The following RAB33B variants were observed in gnomAD, a reference collection of about 807,000 sequenced individuals.
The protein encoded by RAB33B is RAB33B, member RAS oncogene family, also known as ras-related protein Rab-33B.
RAB33B carries 6 observed loss-of-function variants against 15.0 expected under a neutral mutation model. That is an observed-to-expected ratio of 0.40 (90% CI 0.22 to 0.79). The LOEUF is 0.79. RAB33B is among the 30% of genes least tolerant of loss of function. The probability of loss-of-function intolerance (pLI) is 0.37; values close to 1 mark genes in which losing one functional copy is unlikely to be tolerated. For missense variants in RAB33B, 257 were observed against 296.4 expected (o/e 0.87, Z 0.98); for synonymous variants, 117 against 108.3 (o/e 1.08, Z -0.50).
intron 1 of RAB33B, among the ~76,000 whole-genome samples, chr4:139,455,441 C>G (rs761006340): frequency 3.9e-5 from 6 of 152,138 alleles, no homozygotes; most frequent in Non-Finnish European, 7.3e-5. Context: ...TTAGACGTTC[C>G]TACCCTCGTA....
rs982286825 is a variant in RAB33B at position 139,463,380 on chromosome 4, C to T, written c.249+8936C>T. Among the ~76,000 whole-genome samples, 4 of 152,296 alleles carry T rather than the reference C, an allele frequency of 2.6e-5. No individual in the cohort carries two copies. The South Asian group carries it at 8.3e-4, about 32-fold the overall frequency. On this transcript the variant is annotated intron_variant, in intron 1 of 1. Transcript: ENST00000305626. ...TGAACTCCTGACCTCAAGTGATCCA[C>T]CCACCTCGGCCTCCCAAAGTGCTGT...
At chr4:139,439,574 T>C in the RAB33B span, among the ~76,000 whole-genome samples, 1 of 152,358 alleles carries the variant, frequency 6.6e-6, no homozygotes, top group Admixed American at 6.5e-5. Flanking sequence ...TTTCATCAAA[T>C]ATGGGAAGCT....
chr4:139,441,631 T>C, the RAB33B span, among the ~76,000 whole-genome samples: 20 of 152,232 alleles, frequency 1.3e-4, no homozygotes, highest in African/African-American at 4.8e-4. Flanking sequence ...GCTGAAAATA[T>C]CTTAAGTCAA....
At chr4:139,464,568 G>A (rs1366938730) in intron 1 of RAB33B, among the ~76,000 whole-genome samples, 2 of 152,038 alleles carry the variant, frequency 1.3e-5, no homozygotes, top group Non-Finnish European at 2.9e-5. Context: ...GCCCTGGTGT[G>A]TGATGTTCTC....
chr4:139,471,881 A>C (rs1258662006), intron 1 of RAB33B, among the ~76,000 whole-genome samples: 1 of 152,148 alleles, frequency 6.6e-6, no homozygotes, highest in Non-Finnish European at 1.5e-5. Flanking sequence ...ATTTTGAGTA[A>C]GTTTTTATAT....
At chr4:139,471,131 A>G (rs991798991) in intron 1 of RAB33B, among the ~76,000 whole-genome samples, 3 of 152,120 alleles carry the variant, frequency 2.0e-5, no homozygotes, top group Non-Finnish European at 4.4e-5. Flanking sequence ...CAGAGTTGCA[A>G]TGCTTGTGGC....
chr4:139,469,508 T>G (rs1339764642), intron 1 of RAB33B, among the ~76,000 whole-genome samples: 1 of 152,218 alleles, frequency 6.6e-6, no homozygotes, highest in Non-Finnish European at 1.5e-5. Context: ...TTGCCTTGTT[T>G]AGTTCATTTG....
chr4:139,468,814 A>G (rs1157163989), intron 1 of RAB33B, among the ~76,000 whole-genome samples: 1 of 152,092 alleles, frequency 6.6e-6, no homozygotes, highest in Admixed American at 6.5e-5. Flanking sequence ...TTTGAATGAT[A>G]TTTTTGCCAG....
intron 1 of RAB33B, among the ~76,000 whole-genome samples, chr4:139,467,883 T>C: frequency 6.6e-6 from 1 of 151,528 alleles, no homozygotes; most frequent in African/African-American, 2.4e-5. Context: ...ATTACATTAT[T>C]TATTTAAAAA....
upstream of RAB33B, chr4:139,452,587 C>T (rs1449862861): frequency 6.6e-6 from 1 of 152,150 alleles, no homozygotes; most frequent in African/African-American, 2.4e-5. Flanking sequence ...TGAAAATAAC[C>T]TCACAGATAA....
At chr4:139,470,846 A>G (rs1750374059) in intron 1 of RAB33B, among the ~76,000 whole-genome samples, 1 of 151,830 alleles carries the variant, frequency 6.6e-6, no homozygotes, top group Non-Finnish European at 1.5e-5. Context: ...TAAGGCCTGG[A>G]ATGAGGGCCT....
the RAB33B span, among the ~76,000 whole-genome samples, chr4:139,443,867 A>C: frequency 6.6e-6 from 1 of 152,168 alleles, no homozygotes; most frequent in Admixed American, 6.5e-5. Flanking sequence ...GCCTGAGGCA[A>C]CAGTGATGGC....
chr4:139,439,683 A>G, the RAB33B span, among the ~76,000 whole-genome samples: 1 of 152,132 alleles, frequency 6.6e-6, no homozygotes, highest in Non-Finnish European at 1.5e-5. Flanking sequence ...GAGGTATCGC[A>G]CAGGTTCCTT....
intron 1 of RAB33B, among the ~76,000 whole-genome samples, chr4:139,458,902 A>G (rs1006424156): frequency 6.6e-6 from 1 of 152,208 alleles, no homozygotes; most frequent in African/African-American, 2.4e-5. Context: ...TTTTCTCTGC[A>G]ACTTTGCCAG....
In RAB33B at chr4:139,468,396, TAA is replaced by T. The variant is rs529944005; in HGVS notation, c.250-4289_250-4288del. 2.0e-4 allele frequency among the ~76,000 whole-genome samples: 31 copies of T among 152,312 alleles called. No homozygotes were observed. In the East Asian group the frequency reaches 6.0e-3, roughly 29 times the overall value. Reference sequence around the variant, plus strand: ...CAAACCATATCACCTGATAACAAGTTAACACTCTTTTTACATAAACAAACAAA... The same window carrying T: ...CAAACCATATCACCTGATAACAAGTTCACTCTTTTTACATAAACAAACAAA... On this transcript the variant is annotated intron_variant, in intron 1 of 1. Transcript: ENST00000305626.
chr4:139,465,355 T>C (rs1305004314), intron 1 of RAB33B, among the ~76,000 whole-genome samples: 2 of 152,240 alleles, frequency 1.3e-5, no homozygotes, highest in Non-Finnish European at 2.9e-5. Flanking sequence ...TTCACTCTGA[T>C]GGTAGTTTGT....
intron 1 of RAB33B, among the ~76,000 whole-genome samples, chr4:139,459,442 A>G (rs185171979): frequency 6.6e-6 from 1 of 152,164 alleles, no homozygotes; most frequent in Admixed American, 6.5e-5. Context: ...TCTCTTAAAA[A>G]CAAAAAAAGA....
the RAB33B span, among the ~76,000 whole-genome samples, chr4:139,443,329 C>T: frequency 1.2e-4 from 19 of 152,232 alleles, no homozygotes; most frequent in Admixed American, 7.9e-4. Context: ...AAAATAAATG[C>T]GTTTGACACT....
chr4:139,447,656 T>A, the RAB33B span, among the ~76,000 whole-genome samples: 3 of 139,406 alleles, frequency 2.2e-5, no homozygotes, highest in Non-Finnish European at 4.7e-5. Context: ...ATCAGTCTAC[T>A]ACTTTTTTTT....
Sources: gnomAD v4.1 joint callset for allele counts (sites outside exome capture counted in the v4.1 genomes callset) on GRCh38, gnomAD v4.1.1 for gene constraint, MANE v1.5 for transcripts, NCBI Gene and HGNC (gene_info 2026-07-23, HGNC 2026-07-21) for gene names.